Variants in LINC00632 observed in about 807,000 individuals in gnomAD.
LINC00632 encodes the protein ALDOA related specific transcript.
intron 3 of LINC00632, among the ~76,000 whole-genome samples, chrX:140,745,853 T>G (rs181335826): frequency 8.9e-6 from 1 of 112,010 alleles, no homozygotes; most frequent in Non-Finnish European, 1.9e-5. Flanking sequence ...CAAGAAAATA[T>G]GGAAAAATGC....
chrX:140,734,571 C>T (rs1931111109), intron 3 of LINC00632, among the ~76,000 whole-genome samples: 2 of 109,503 alleles, frequency 1.8e-5, no homozygotes, highest in Admixed American at 2.0e-4. Context: ...GCCCCTTATT[C>T]GTCACCTTAC....
intron 3 of LINC00632, among the ~76,000 whole-genome samples, chrX:140,742,236 G>A (rs1023262417): frequency 8.9e-6 from 1 of 111,905 alleles, no homozygotes; most frequent in Non-Finnish European, 1.9e-5. Context: ...TAAAATTATT[G>A]AGTGGAGCTT....
exon 5 of LINC00632, among the ~76,000 whole-genome samples, chrX:140,786,049 A>G: frequency 1.8e-5 from 2 of 111,997 alleles, no homozygotes; most frequent in Middle Eastern, 4.6e-3. Context: ...GCCTTCAGCA[A>G]TGTTGCTACC....
chrX:140,722,789 C>A (rs1395649030), intron 2 of LINC00632, among the ~76,000 whole-genome samples: 1 of 111,939 alleles, frequency 8.9e-6, no homozygotes, highest in Non-Finnish European at 1.9e-5. Context: ...ATGGCTCATG[C>A]CTGTAATCCC....
At chrX:140,748,302 T>C (rs1231374848) in intron 3 of LINC00632, among the ~76,000 whole-genome samples, 1 of 112,352 alleles carries the variant, frequency 8.9e-6, no homozygotes. Context: ...TTTGTTAAAG[T>C]GATGAGGTTA....
At chrX:140,725,164 CCATACA>C (rs1328575455) in intron 2 of LINC00632, among the ~76,000 whole-genome samples, 5 of 80,347 alleles carry the variant, frequency 6.2e-5, no homozygotes, top group African/African-American at 1.9e-4. Context: ...CACACACATT[CCATACA>C]CATACACAGA....
chrX:140,762,632 G>T (rs903788024), intron 3 of LINC00632, among the ~76,000 whole-genome samples: 2 of 111,948 alleles, frequency 1.8e-5, no homozygotes, highest in Admixed American at 9.5e-5. Context: ...AATATTTCTG[G>T]CTGTGAGGGT....
intron 3 of LINC00632, among the ~76,000 whole-genome samples, chrX:140,771,308 C>T (rs1008188782): frequency 9.2e-5 from 9 of 97,526 alleles, no homozygotes; most frequent in African/African-American, 4.2e-4. Context: ...ATGACATGCT[C>T]GGAAAAAATA....
chrX:140,735,201 A>C (rs1336770638), intron 3 of LINC00632, among the ~76,000 whole-genome samples: 1 of 111,874 alleles, frequency 8.9e-6, no homozygotes, highest in Non-Finnish European at 1.9e-5. Context: ...GAACTCAGAA[A>C]ATTTTGTTCC....
intron 2 of LINC00632, chrX:140,714,875 A>AC (rs1461005711): frequency 2.7e-5 from 3 of 110,208 alleles, no homozygotes; most frequent in African/African-American, 9.9e-5. Context: ...AAACAAACAA[A>AC]AAAAAACAAT....
At chrX:140,716,458 A>C (rs1930630209) in intron 2 of LINC00632, among the ~76,000 whole-genome samples, 1 of 110,780 alleles carries the variant, frequency 9.0e-6, no homozygotes, top group Admixed American at 9.8e-5. Context: ...TATTACAACC[A>C]TCACTATCAT....
At chrX:140,743,407 C>G (rs948702974) in intron 3 of LINC00632, among the ~76,000 whole-genome samples, 1 of 109,675 alleles carries the variant, frequency 9.1e-6, no homozygotes, top group Non-Finnish European at 1.9e-5. Flanking sequence ...GGATGATAGC[C>G]GCAAGCTTAT....
chrX:140,744,309 T>TTG (rs1019278895), intron 3 of LINC00632, among the ~76,000 whole-genome samples: 3 of 109,841 alleles, frequency 2.7e-5, no homozygotes, highest in African/African-American at 9.9e-5. Context: ...ACATCTGCAT[T>TTG]TGTGGTAAAG....
intron 2 of LINC00632, among the ~76,000 whole-genome samples, chrX:140,725,763 A>G: frequency 8.9e-6 from 1 of 111,835 alleles, no homozygotes; most frequent in Middle Eastern, 4.6e-3. Context: ...GGACTGATAG[A>G]GCAACACTCA....
At chrX:140,789,615 G>GA (rs1330106877) in exon 5 of LINC00632, among the ~76,000 whole-genome samples, 1 of 112,087 alleles carries the variant, frequency 8.9e-6, no homozygotes, top group Non-Finnish European at 1.9e-5. Context: ...CTGGCATGCT[G>GA]AATGCTATTA....
exon 5 of LINC00632, chrX:140,784,430 C>A (rs1378868691): frequency 1.7e-6 from 2 of 1,151,349 alleles, no homozygotes; most frequent in Non-Finnish European, 1.2e-6. Flanking sequence ...CGTCTTCCAA[C>A]AAATCCATGT....
chrX:140,770,397 A>T (rs1931769402), intron 3 of LINC00632, among the ~76,000 whole-genome samples: 2 of 111,752 alleles, frequency 1.8e-5, no homozygotes, highest in South Asian at 7.5e-4. Flanking sequence ...AAGCACCTGG[A>T]TTTAAAAATT....
chrX:140,732,241 A>G (rs1931070581), intron 2 of LINC00632, among the ~76,000 whole-genome samples: 1 of 111,219 alleles, frequency 9.0e-6, no homozygotes, highest in Non-Finnish European at 1.9e-5. Flanking sequence ...AAAAAAAACC[A>G]TTACAGGCCC....
At chrX:140,788,839 GTATA>G (rs200785979) in exon 5 of LINC00632, among the ~76,000 whole-genome samples, 1 of 99,079 alleles carries the variant, frequency 1.0e-5, no homozygotes, top group Non-Finnish European at 2.0e-5. Context: ...ACACATATAT[GTATA>G]TATGTATATT....
Sources: gnomAD v4.1 joint callset for allele counts (sites outside exome capture counted in the v4.1 genomes callset) on GRCh38, gnomAD v4.1.1 for gene constraint, MANE v1.5 for transcripts, NCBI Gene and HGNC (gene_info 2026-07-23, HGNC 2026-07-21) for gene names.